MAP3K7CL: variants seen among roughly 807,000 people sequenced by gnomAD.
MAP3K7CL encodes MAP3K7 C-terminal like.
In MAP3K7CL, 16 loss-of-function variants were observed where a neutral mutation model predicts 18.6. The observed-to-expected ratio is 0.86, with a 90% CI of 0.58 to 1.31. The LOEUF is 1.31. MAP3K7CL is among the 50% of genes most tolerant of loss of function. MAP3K7CL has a pLI of 0.00. For synonymous variants in MAP3K7CL, 65 were observed against 66.8 expected, an observed-to-expected ratio of 0.97 and a Z score of 0.13; for missense variants, 163 against 174.4, an observed-to-expected ratio of 0.93 and a Z score of 0.37.
chr21:29,157,320 A>G (rs561079170), intron 3 of MAP3K7CL, among the ~76,000 whole-genome samples: 17 of 152,308 alleles, frequency 1.1e-4, no homozygotes, highest in African/African-American at 3.8e-4. Context: ...GAATTTTACA[A>G]TGTTTTGGTG....
upstream of MAP3K7CL, among the ~76,000 whole-genome samples, chr21:29,083,142 G>A (rs1361066930): frequency 1.3e-5 from 2 of 152,040 alleles, no homozygotes; most frequent in African/African-American, 2.4e-5. Flanking sequence ...TTTTGCCTTG[G>A]GCAATTCCTC....
intron 2 of MAP3K7CL, among the ~76,000 whole-genome samples, chr21:29,136,050 C>A (rs1382201987): frequency 9.9e-5 from 15 of 152,156 alleles, no homozygotes; most frequent in Admixed American, 9.8e-4. Context: ...GGCCCCACTC[C>A]TATATATTCT....
At chr21:29,161,304 T>A (rs1193250418) in intron 4 of MAP3K7CL, among the ~76,000 whole-genome samples, 1 of 152,114 alleles carries the variant, frequency 6.6e-6, no homozygotes, top group African/African-American at 2.4e-5. Flanking sequence ...AGAGTGAGAC[T>A]CTATCTCAAA....
At chr21:29,141,167 A>G (rs748321347) in intron 2 of MAP3K7CL, among the ~76,000 whole-genome samples, 1 of 152,204 alleles carries the variant, frequency 6.6e-6, no homozygotes, top group Non-Finnish European at 1.5e-5. Context: ...GGATAAATAG[A>G]CACTCACAAA....
At chr21:29,099,613 T>A (rs1229751092) in intron 4 of MAP3K7CL, among the ~76,000 whole-genome samples, 1 of 152,228 alleles carries the variant, frequency 6.6e-6, no homozygotes, top group Non-Finnish European at 1.5e-5. Context: ...TTTAAGAGTC[T>A]GTGTACTGAG....
intron 3 of MAP3K7CL, among the ~76,000 whole-genome samples, chr21:29,150,147 G>A (rs1343258240): frequency 6.6e-6 from 1 of 152,172 alleles, no homozygotes; most frequent in Non-Finnish European, 1.5e-5. Flanking sequence ...TCCCATTTGT[G>A]GGTGTGCCTT....
rs566401627 is a variant in MAP3K7CL at position 29,174,950 on chromosome 21, G to T, written c.*58G>T. On this transcript the variant is annotated 3_prime_UTR_variant, in exon 5 of 5. Coordinates refer to ENST00000399928, the MANE Select transcript of MAP3K7CL (RefSeq NM_001286620.2). ...GATGACTGCCCTGTGCTGGCCAAAAGATTTTTATTTTAAATGAATAGTGAG... is the reference window on the plus strand; with the variant it reads ...GATGACTGCCCTGTGCTGGCCAAAATATTTTTATTTTAAATGAATAGTGAG... The T allele has an allele frequency of 1.5e-3, 2,286 of 1,501,964 alleles. 1 individual carries two copies. The highest frequency in any genetic ancestry group is 1.9e-3 in the Non-Finnish European group (2,147 of 1,110,824). The allele number at this position is 1,501,964 out of a possible 1,614,324, so 93.0% of individuals were successfully genotyped here.
At chr21:29,125,657 C>T (rs948855138), upstream of MAP3K7CL, among the ~76,000 whole-genome samples, 7 of 152,196 alleles carry the variant, frequency 4.6e-5, no homozygotes, top group African/African-American at 1.2e-4. Flanking sequence ...TTGTTTTTGT[C>T]GTTGAGCCTT....
chr21:29,111,981 G>A (rs1469822477), intron 4 of MAP3K7CL, among the ~76,000 whole-genome samples: 5 of 152,070 alleles, frequency 3.3e-5, no homozygotes, highest in Admixed American at 3.3e-4. Flanking sequence ...CGTCCTTAAA[G>A]CTCTGTCTTC....
intron 4 of MAP3K7CL, among the ~76,000 whole-genome samples, chr21:29,120,036 A>C (rs1176937627): frequency 6.6e-6 from 1 of 152,184 alleles, no homozygotes; most frequent in Non-Finnish European, 1.5e-5. Flanking sequence ...TTTCCTTTAG[A>C]ATATTGAACA....
intron 4 of MAP3K7CL, among the ~76,000 whole-genome samples, chr21:29,124,353 C>CAAAAAAAA (rs59499297): frequency 4.1e-4 from 32 of 78,570 alleles, no homozygotes; most frequent in South Asian, 5.2e-4. Context: ...GACTCCGTCT[C>CAAAAAAAA]AAAAAAAAAA....
At chr21:29,077,538 G>A (rs1005745137), upstream of MAP3K7CL, 1 of 156,414 alleles carries the variant, frequency 6.4e-6, no homozygotes, top group African/African-American at 2.4e-5. Flanking sequence ...GCCGGCTCCG[G>A]CCTCGGCCAG....
At chr21:29,078,516 GC>G (rs2085785716) in intron 1 of MAP3K7CL, among the ~76,000 whole-genome samples, 1 of 151,738 alleles carries the variant, frequency 6.6e-6, no homozygotes, top group South Asian at 2.1e-4. Flanking sequence ...GGCATGCTGG[GC>G]ATCATTGCTG....
intron 4 of MAP3K7CL, among the ~76,000 whole-genome samples, chr21:29,092,744 C>T (rs2086051761): frequency 6.6e-6 from 1 of 152,230 alleles, no homozygotes; most frequent in African/African-American, 2.4e-5. Context: ...CTATCTCCTT[C>T]AGTCAATGTG....
At chr21:29,093,889 A>G (rs1158323090) in intron 4 of MAP3K7CL, among the ~76,000 whole-genome samples, 1 of 152,228 alleles carries the variant, frequency 6.6e-6, no homozygotes, top group Non-Finnish European at 1.5e-5. Flanking sequence ...CTTACCACTA[A>G]GATGAGAATG....
intron 2 of MAP3K7CL, among the ~76,000 whole-genome samples, chr21:29,145,137 T>C (rs1020243822): frequency 1.3e-5 from 2 of 152,232 alleles, no homozygotes; most frequent in Non-Finnish European, 2.9e-5. Flanking sequence ...ACTTCCTTAA[T>C]GCATTAAAAA....
At chr21:29,132,163 A>G (rs530242369) in intron 1 of MAP3K7CL, among the ~76,000 whole-genome samples, 6 of 152,360 alleles carry the variant, frequency 3.9e-5, no homozygotes, top group East Asian at 3.9e-4. Flanking sequence ...ATTTATAACT[A>G]TCTTTTCCTA....
At chr21:29,157,688 G>C (rs556741865) in intron 3 of MAP3K7CL, among the ~76,000 whole-genome samples, 25 of 152,222 alleles carry the variant, frequency 1.6e-4, no homozygotes, top group Admixed American at 1.0e-3. Flanking sequence ...TCTACCTATA[G>C]ATAACAACAT....
chr21:29,087,892 C>T (rs902603363), intron 1 of MAP3K7CL, among the ~76,000 whole-genome samples: 2 of 152,068 alleles, frequency 1.3e-5, no homozygotes, highest in African/African-American at 4.8e-5. Flanking sequence ...CGCGCCCGGT[C>T]GTGCTCATTT....
Sources: allele counts gnomAD v4.1 joint callset (sites outside exome capture counted in the v4.1 genomes callset), GRCh38; gene constraint gnomAD v4.1.1; transcripts MANE v1.5; gene names NCBI Gene and HGNC (gene_info 2026-07-23, HGNC 2026-07-21).